The following OCLN variants were observed in gnomAD, a reference collection of about 807,000 sequenced individuals.
OCLN encodes occludin.
Under a neutral mutation model 47.9 loss-of-function variants are expected in OCLN, and 21 were observed. The observed-to-expected ratio is 0.44, with a 90% CI of 0.31 to 0.63. The LOEUF is 0.63. Among genes scored for constraint, OCLN ranks in the 30% least tolerant of loss-of-function variants. The probability of loss-of-function intolerance (pLI) is 0.08; values close to 1 mark genes in which losing one functional copy is unlikely to be tolerated. For synonymous variants in OCLN, 117 were observed against 198.4 expected, an observed-to-expected ratio of 0.59 and a Z score of 3.45; for missense variants, 360 against 571.0, an observed-to-expected ratio of 0.63 and a Z score of 3.77.
chr5:69,553,906 G>A lies in OCLN; in HGVS notation c.*235G>A. On this transcript the variant is annotated 3_prime_UTR_variant, in exon 9 of 9. Coordinates refer to ENST00000396442, the MANE Select transcript of OCLN (RefSeq NM_001205254.2). ...CTTTAAACATTGGTTCTTGTATTAA[G>A]AATGAAATACTGTTTGAGGTTTTTA... 2.0e-6 allele frequency: 1 copy of A among 504,654 alleles called. No individual in the cohort carries two copies. The highest frequency in any genetic ancestry group is 3.7e-6 in the Non-Finnish European group (1 of 272,920). The allele number at this position is 504,654 out of a possible 1,614,324, so 31.3% of individuals were successfully genotyped here. A position where few individuals can be genotyped will look rare whatever the true frequency, so the allele number is the denominator to read the frequency against.
At chr5:69,519,655 T>G (rs1349801942) in intron 4 of OCLN, among the ~76,000 whole-genome samples, 1 of 152,202 alleles carries the variant, frequency 6.6e-6, no homozygotes, top group Admixed American at 6.5e-5. Context: ...TCAGATCTGA[T>G]TTTTTTAATT....
intron 4 of OCLN, among the ~76,000 whole-genome samples, chr5:69,515,745 C>T (rs1442919382): frequency 2.8e-5 from 4 of 141,770 alleles, no homozygotes; most frequent in East Asian, 2.3e-4. Flanking sequence ...TCATATGGGG[C>T]GGTTGCCAGG....
rs139928771 is a variant in OCLN at position 69,509,559 on chromosome 5, G to T, written c.469G>T (p.Val157Phe). 279 of 1,614,034 alleles carry T rather than the reference G, an allele frequency of 1.7e-4. 2 individuals are homozygous for T. The African/African-American group carries it at 3.4e-3, about 20-fold the overall frequency. ...FCFIAALVIF[V>F]TSVIRSEMSR... ...TTTCATTGCCGCGTTGGTGATCTTT[G>T]TTACCAGTGTTATAAGATCTGAAAT... Residue 157 changes from valine to phenylalanine, a missense_variant, in exon 3 of 9, where the codon GTT (valine) becomes TTT (phenylalanine). Val to Phe is a conservative substitution (Grantham distance 50). Around this residue, in one of 3 missense-constraint regions of OCLN, gnomAD observed 314 missense variants for 368.1 expected, o/e 0.85. Coordinates refer to ENST00000396442, the MANE Select transcript of OCLN (RefSeq NM_001205254.2).
chr5:69,557,291 G>A lies in OCLN; in HGVS notation c.*3620G>A, dbSNP rs1467448667. On this transcript the variant is annotated 3_prime_UTR_variant, in exon 9 of 9. Coordinates refer to ENST00000396442, the MANE Select transcript of OCLN (RefSeq NM_001205254.2). ...CTGCAGTTACTTGCTGTGGGACCTTGGAGAAATTAACTTAGCCTCTCTGTA... is the reference window on the plus strand; with the variant it reads ...CTGCAGTTACTTGCTGTGGGACCTTAGAGAAATTAACTTAGCCTCTCTGTA... 4 of 84,980 alleles carry A rather than the reference G, an allele frequency of 4.7e-5. No homozygotes were observed. The highest frequency in any genetic ancestry group is 1.1e-4 in the African/African-American group (4 of 36,424). The allele number at this position is 84,980 out of a possible 1,614,324, so 5.3% of individuals were successfully genotyped here.
chr5:69,527,276 CAAAA>C (rs764804781), intron 4 of OCLN, among the ~76,000 whole-genome samples: 1 of 125,574 alleles, frequency 8.0e-6, no homozygotes. Context: ...GACTTCGTCT[CAAAA>C]AAAAAAAAAA....
intron 6 of OCLN, among the ~76,000 whole-genome samples, chr5:69,546,648 T>C (rs1242779004): frequency 3.6e-5 from 4 of 111,466 alleles, no homozygotes; most frequent in African/African-American, 1.4e-4. Context: ...CGGCTAATTT[T>C]TGTAGTTTTA....
At chr5:69,550,350 CCTGA>C (rs1769832918) in intron 7 of OCLN, among the ~76,000 whole-genome samples, 1 of 143,064 alleles carries the variant, frequency 7.0e-6, no homozygotes, top group Non-Finnish European at 1.6e-5. Context: ...TGGCACCACA[CCTGA>C]CTAATTTTTG....
chr5:69,529,523 TTAA>T (rs1019433586), intron 4 of OCLN, among the ~76,000 whole-genome samples: 1 of 152,258 alleles, frequency 6.6e-6, no homozygotes, highest in Admixed American at 6.5e-5. Context: ...ATTCCCTAAA[TTAA>T]TAATTCATAC....
intron 2 of OCLN, among the ~76,000 whole-genome samples, chr5:69,507,474 T>A (rs930994433): frequency 6.6e-6 from 1 of 152,226 alleles, no homozygotes; most frequent in Admixed American, 6.5e-5. Context: ...TAATGCGATA[T>A]GTATTTTTTC....
At chr5:69,500,897 A>G (rs1768439978) in intron 1 of OCLN, among the ~76,000 whole-genome samples, 2 of 152,072 alleles carry the variant, frequency 1.3e-5, no homozygotes, top group African/African-American at 4.8e-5. Context: ...CCCACATTTA[A>G]TAGTGCTTAA....
intron 7 of OCLN, among the ~76,000 whole-genome samples, chr5:69,550,549 G>A (rs1199086491): frequency 6.2e-5 from 9 of 145,736 alleles, no homozygotes; most frequent in Admixed American, 2.1e-4. Flanking sequence ...CAGAGGGTAC[G>A]TACCTTTGCA....
Position 69,554,768 on chromosome 5 carries a change from T to G in OCLN, c.*1097T>G, listed in dbSNP as rs575815986. On this transcript the variant is annotated 3_prime_UTR_variant, in exon 9 of 9. Coordinates refer to ENST00000396442, the MANE Select transcript of OCLN (RefSeq NM_001205254.2). ...TACCAAATAATTTCAAATGGTGCCCTTAAATTGTATCACTTTTTTAAAAAT... is the reference window on the plus strand; with the variant it reads ...TACCAAATAATTTCAAATGGTGCCCGTAAATTGTATCACTTTTTTAAAAAT... 86 of 152,038 alleles carry G rather than the reference T, an allele frequency of 5.7e-4. No individual in the cohort carries two copies. Among genetic ancestry groups the G allele is most frequent in the African/African-American group, 2.0e-3 (81 of 41,478 alleles). 9.4% of individuals were successfully genotyped at this position (152,038 alleles called of 1,614,324 possible).
At chr5:69,550,393 T>C (rs1056177201) in intron 7 of OCLN, among the ~76,000 whole-genome samples, 3 of 150,428 alleles carry the variant, frequency 2.0e-5, no homozygotes, top group Non-Finnish European at 4.5e-5. Context: ...GGTTTTGCCA[T>C]GTTGGTCAGG....
chr5:69,499,120 A>G (rs2111937315), intron 1 of OCLN, among the ~76,000 whole-genome samples: 1 of 152,306 alleles, frequency 6.6e-6, no homozygotes, highest in Non-Finnish European at 1.5e-5. Context: ...ACTGTTACTC[A>G]GGCTGGAGTA....
intron 1 of OCLN, among the ~76,000 whole-genome samples, chr5:69,500,297 A>G (rs1028090864): frequency 7.2e-5 from 11 of 152,206 alleles, no homozygotes; most frequent in Admixed American, 5.2e-4. Flanking sequence ...GCATTCCCTG[A>G]AGAGGAAATA....
At chr5:69,495,926 T>C (rs912076332) in intron 1 of OCLN, among the ~76,000 whole-genome samples, 8 of 152,192 alleles carry the variant, frequency 5.3e-5, no homozygotes, top group Non-Finnish European at 8.8e-5. Flanking sequence ...GACACCTTTA[T>C]TGTAGACAGC....
intron 5 of OCLN, among the ~76,000 whole-genome samples, chr5:69,536,751 G>A (rs1259416058): frequency 6.6e-6 from 1 of 151,510 alleles, no homozygotes; most frequent in Non-Finnish European, 1.5e-5. Flanking sequence ...GGTGGATCAC[G>A]AGGTCAGGAA....
chr5:69,549,813 G>A lies in OCLN; in HGVS notation c.1425+1712G>A, dbSNP rs71279213. 1.5e-4 allele frequency among the ~76,000 whole-genome samples: 23 copies of A among 151,234 alleles called. 2 individuals carry two copies. Among genetic ancestry groups the A allele is most frequent in the Admixed American group, 1.3e-3 (19 of 15,144 alleles). On this transcript the variant is annotated intron_variant, in intron 7 of 8. Transcript: ENST00000396442. ...TTTATACTGTGAATTATAATCCAAG[G>A]CTGCTTTATTTTGTAGCTCTAATTG...
chr5:69,527,381 T>TA (rs1769311131), intron 4 of OCLN, among the ~76,000 whole-genome samples: 1 of 152,252 alleles, frequency 6.6e-6, no homozygotes, highest in Admixed American at 6.5e-5. Flanking sequence ...AGGAGAAAGT[T>TA]ACTGAAATCA....
Sources: allele counts gnomAD v4.1 joint callset (sites outside exome capture counted in the v4.1 genomes callset), GRCh38; gene constraint gnomAD v4.1.1; regional missense constraint gnomAD v4.1.1; transcripts MANE v1.5; gene names NCBI Gene and HGNC (gene_info 2026-07-23, HGNC 2026-07-21).